Variants in LSS observed in about 807,000 individuals in gnomAD.
LSS encodes lanosterol synthase.
Under a neutral mutation model 110.3 loss-of-function variants are expected in LSS, and 90 were observed. The ratio of observed to expected loss-of-function variants is 0.82; its 90% CI spans 0.69 to 0.97. LSS has a LOEUF of 0.97. Ranked by LOEUF, LSS falls within the 50% of genes least tolerant of loss-of-function variation. The pLI is 0.00. For synonymous variants in LSS, 433 were observed against 400.0 expected (o/e 1.08, Z -0.98); for missense variants, 927 against 990.0 (o/e 0.94, Z 0.85).
chr21:46,196,444 G>C, intron 17 of LSS, 177 bp from the exon 18 acceptor site: 1 of 603,196 alleles, frequency 1.7e-6, no homozygotes, highest in Non-Finnish European at 3.0e-6. Flanking sequence ...CAGGACACCA[G>C]AGCGGGAAGC....
intron 3 of LSS, among the ~76,000 whole-genome samples, chr21:46,226,090 T>C (rs2080336454): frequency 6.6e-6 from 1 of 150,966 alleles, no homozygotes; most frequent in African/African-American, 2.4e-5. Flanking sequence ...GAGCCAAAAT[T>C]GTGCCATTGC....
At position 46,188,798 on chromosome 21, in the gene LSS, C is replaced by T; in HGVS notation, c.*2306G>A. 1 of 470,636 alleles carries T rather than the reference C, an allele frequency of 2.1e-6. No individual in the cohort carries two copies. The allele number at this position is 470,636 out of a possible 1,614,324, so 29.2% of individuals were successfully genotyped here. A position where few individuals can be genotyped will look rare whatever the true frequency, so the allele number is the denominator to read the frequency against. Reference sequence around the variant, plus strand: ...TAACACCGAAGAGGGCAGGGAATCGCTGCGTCCTGTGACTTGAAGGCCACT... The same window carrying T: ...TAACACCGAAGAGGGCAGGGAATCGTTGCGTCCTGTGACTTGAAGGCCACT... On this transcript the variant is annotated 3_prime_UTR_variant, in exon 22 of 22. Coordinates refer to ENST00000397728, the MANE Select transcript of LSS (RefSeq NM_002340.6).
In LSS at chr21:46,208,251, C is replaced by T. The variant is rs1471190612; in HGVS notation, c.1317G>A (p.Lys439=). Reference sequence around the variant, plus strand: ...AGGGATGGGGCTGGCTCCCGCATACCTTGCGCATCTGGCGGTAGTACTTCT... The same window carrying T: ...AGGGATGGGGCTGGCTCCCGCATACTTTGCGCATCTGGCGGTAGTACTTCT... The part of the protein sequence containing the change: ...DYQKYYRQMR[K]GGFSFSTLDC... The change falls in exon 14 of 22, where the codon AAG becomes AAA. Residue 439 remains lysine (K), a splice_region_variant and synonymous_variant. Transcript: ENST00000397728. 6.4e-7 allele frequency: 1 copy of T among 1,552,194 alleles called. No homozygotes were observed. The highest frequency in any genetic ancestry group is 8.7e-7 in the Non-Finnish European group (1 of 1,147,302).
chr21:46,206,205 G>A (rs2080046639), intron 16 of LSS, among the ~76,000 whole-genome samples: 2 of 152,226 alleles, frequency 1.3e-5, no homozygotes, highest in African/African-American at 2.4e-5. Flanking sequence ...AGGAAGGCGG[G>A]TATGTGAGGT....
intron 3 of LSS, chr21:46,224,633 A>G (rs1462914894): frequency 6.6e-6 from 1 of 152,140 alleles, no homozygotes. Context: ...CAGAGCCAGC[A>G]TCTTCCTGAT....
rs990022041 is a variant in LSS, at chr21:46,190,079, G to A, written c.*1025C>T. 4 of 257,102 alleles carry A rather than the reference G, an allele frequency of 1.6e-5. No individual in the cohort carries two copies. The highest frequency in any genetic ancestry group is 3.1e-5 in the Non-Finnish European group (4 of 130,832). 15.9% of individuals were successfully genotyped at this position (257,102 alleles called of 1,614,324 possible). A position where few individuals can be genotyped will look rare whatever the true frequency, so the allele number is the denominator to read the frequency against. On this transcript the variant is annotated 3_prime_UTR_variant, in exon 22 of 22. Coordinates refer to ENST00000397728, the MANE Select transcript of LSS (RefSeq NM_002340.6). This position sits in a 1 kb window ranked among gnomAD's most constrained non-coding sequence, Gnocchi z 4.6. ...CATGAGACTGGCGGCAGCCGTAGGG[G>A]TGCCCTGGGTATATGCCGGGCTCCC...
chr21:46,215,581 G>T, intron 8 of LSS, 104 bp downstream of exon 8: 1 of 774,232 alleles, frequency 1.3e-6, no homozygotes, highest in Non-Finnish European at 2.1e-6. Flanking sequence ...CTGGCACAGA[G>T]GAGGTGGCCC....
intron 20 of LSS, chr21:46,192,444 G>A (rs1232718142): frequency 1.3e-5 from 6 of 449,932 alleles, no homozygotes; most frequent in South Asian, 4.7e-5. Context: ...TAGCTTTTAG[G>A]GTTTTAGGAA....
intron 17 of LSS, among the ~76,000 whole-genome samples, chr21:46,200,512 T>G (rs1369841834): frequency 6.6e-6 from 1 of 152,038 alleles, no homozygotes; most frequent in Non-Finnish European, 1.5e-5. Context: ...TCTTCTGCAA[T>G]CTTCCTGACA....
intron 17 of LSS, among the ~76,000 whole-genome samples, chr21:46,204,121 T>C (rs950017628): frequency 2.0e-5 from 3 of 152,040 alleles, no homozygotes; most frequent in Admixed American, 1.3e-4. Flanking sequence ...GGTAAAACCC[T>C]GTCTCTAATA....
intron 6 of LSS, among the ~76,000 whole-genome samples, chr21:46,218,549 A>G (rs9984986): frequency 0.75 from 114,375 of 151,776 alleles, 44,110 homozygotes; most frequent in African/African-American, 0.93. Context: ...GCTTGAATCC[A>G]GGAGGCGGAG....
chr21:46,215,257 G>T lies in LSS; in HGVS notation c.934C>A (p.Arg312=), dbSNP rs764497439. The part of the protein sequence containing the change: ...LYEHHHSAHL[R]QRAVQKLYEH... Reference sequence around the variant, plus strand: ...TACAGCTTCTGCACGGCCCGCTGCCGCAGGTGGGCACTGTGGTGGTGCTCA... The same window carrying T: ...TACAGCTTCTGCACGGCCCGCTGCCTCAGGTGGGCACTGTGGTGGTGCTCA... Residue 312 remains arginine, a synonymous_variant, in exon 9 of 22, where the codon CGG becomes AGG. Coordinates refer to ENST00000397728, the MANE Select transcript of LSS (RefSeq NM_002340.6). The T allele has an allele frequency of 6.2e-7, 1 of 1,610,830 alleles. No individual in the cohort carries two copies. Among genetic ancestry groups the T allele is most frequent in the African/African-American group, 1.3e-5 (1 of 75,008 alleles).
At position 46,189,682 on chromosome 21, in the gene LSS, C is replaced by T; in HGVS notation, c.*1422G>A. 4 of 456,588 alleles carry T rather than the reference C, an allele frequency of 8.8e-6. No homozygotes were observed. The Middle Eastern group carries it at 1.3e-3, about 150-fold the overall frequency. The allele number at this position is 456,588 out of a possible 1,614,324, so 28.3% of individuals were successfully genotyped here. On this transcript the variant is annotated 3_prime_UTR_variant, in exon 22 of 22. Coordinates refer to ENST00000397728, the MANE Select transcript of LSS (RefSeq NM_002340.6). ...GGTGTCCAGACGCAGATCTCCACTG[C>T]CTGAGGGAGAGTGATCAGCCAGGGG... is the stretch of plus-strand genomic sequence containing the variant.
chr21:46,208,341 G>C, intron 13 of LSS, 40 bp from the exon 14 acceptor site: 7 of 1,519,354 alleles, frequency 4.6e-6, no homozygotes, highest in Non-Finnish European at 6.3e-6. Flanking sequence ...CAGAGAACAC[G>C]TCACCACGGG....
At chr21:46,213,936 G>GCCC in intron 9 of LSS, 101 bp from the exon 10 acceptor site, 1 of 809,490 alleles carries the variant, frequency 1.2e-6, no homozygotes, top group Non-Finnish European at 2.1e-6. Flanking sequence ...GGCATAAAGT[G>GCCC]CCGTGCAGAT....
intron 3 of LSS, 113 bp downstream of exon 3, chr21:46,227,439 T>C: frequency 7.3e-7 from 1 of 1,361,934 alleles, no homozygotes; most frequent in Non-Finnish European, 1.0e-6. Flanking sequence ...GCCCTTTTCT[T>C]GTGAGCCCCT....
chr21:46,195,608 C>CA, intron 19 of LSS, 68 bp downstream of exon 19: 1 of 1,400,714 alleles, frequency 7.1e-7, no homozygotes, highest in Non-Finnish European at 1.0e-6. Context: ...AATGTCAAAG[C>CA]AAAAAACACT....
chr21:46,217,058 C>A (rs2080215954), intron 6 of LSS, among the ~76,000 whole-genome samples: 2 of 151,998 alleles, frequency 1.3e-5, no homozygotes, highest in Admixed American at 6.6e-5. Context: ...ACCAGCCTGA[C>A]CAACATGGCG....
chr21:46,215,070 C>T (rs1159362283), intron 9 of LSS, 110 bp downstream of exon 9: 16 of 861,442 alleles, frequency 1.9e-5, no homozygotes, highest in Non-Finnish European at 3.0e-5. Context: ...AATGGAGGTA[C>T]ACCAGGCTCC....
Sources: gnomAD v4.1 joint callset for allele counts (sites outside exome capture counted in the v4.1 genomes callset) on GRCh38, gnomAD v4.1.1 for gene constraint, Gnocchi (gnomAD v3.1) non-coding constraint, MANE v1.5 for transcripts, NCBI Gene and HGNC (gene_info 2026-07-23, HGNC 2026-07-21) for gene names.